The following ASAP1 variants were observed in gnomAD, a reference collection of about 807,000 sequenced individuals.
The protein encoded by ASAP1 is arf-GAP with SH3 domain, ANK repeat and PH domain-containing protein 1.
Under a neutral mutation model 145.2 loss-of-function variants are expected in ASAP1, and 43 were observed. The ratio of observed to expected loss-of-function variants is 0.30; its 90% CI spans 0.23 to 0.38. The LOEUF is 0.38. Ranked by LOEUF, ASAP1 falls within the 10% of genes least tolerant of loss-of-function variation. ASAP1 has a pLI of 1.00. For synonymous variants in ASAP1, 546 were observed against 515.5 expected (o/e 1.06, Z -0.80); for missense variants, 1,018 against 1,355.3 (o/e 0.75, Z 3.91).
chr8:130,438,993 A>T (rs1458402396), intron 1 of ASAP1, among the ~76,000 whole-genome samples: 1 of 152,218 alleles, frequency 6.6e-6, no homozygotes. Context: ...GCAATGGAAA[A>T]TGAAGGTTGC....
intron 21 of ASAP1, 48 bp downstream of exon 21, chr8:130,116,832 T>C: frequency 6.3e-7 from 1 of 1,575,806 alleles, no homozygotes; most frequent in Non-Finnish European, 8.7e-7. Context: ...CAATGTACCA[T>C]GCAACACACG....
intron 3 of ASAP1, chr8:130,340,948 T>G (rs887740375): frequency 4.9e-5 from 22 of 447,520 alleles, no homozygotes; most frequent in Non-Finnish European, 9.8e-5. Context: ...TACTAGGTTT[T>G]TTTTTGTTTT....
intron 27 of ASAP1, among the ~76,000 whole-genome samples, chr8:130,069,031 G>T (rs76443485): frequency 0.013 from 1,935 of 152,218 alleles, 43 homozygotes; most frequent in African/African-American, 0.044. Flanking sequence ...ACAGGGAAAG[G>T]CAAAAGTGAG....
chr8:130,085,254 G>T (rs2097490074), intron 25 of ASAP1, among the ~76,000 whole-genome samples: 1 of 152,162 alleles, frequency 6.6e-6, no homozygotes, highest in Non-Finnish European at 1.5e-5. Context: ...TTGCCTGTAA[G>T]AATCTTAGGG....
Position 130,358,257 on chromosome 8 carries a change from C to A in ASAP1, c.60-114G>T. On this transcript the variant is annotated intron_variant, in intron 2 of 29. Coordinates refer to ENST00000518721, the MANE Select transcript of ASAP1 (RefSeq NM_018482.4). This position sits in a 1 kb window ranked among gnomAD's most constrained non-coding sequence, Gnocchi z 4.1. ...CCCCGGCGCGCAGCCCGCCACCCGCCGCCCGGCCTGGCGCGCGGCTCCCGT... is the reference window on the plus strand; with the variant it reads ...CCCCGGCGCGCAGCCCGCCACCCGCAGCCCGGCCTGGCGCGCGGCTCCCGT... The A allele has an allele frequency of 1.2e-6, 1 of 804,176 alleles. No homozygotes were observed. Among genetic ancestry groups the A allele is most frequent in the Non-Finnish European group, 1.6e-6 (1 of 637,074 alleles). The allele number at this position is 804,176 out of a possible 1,614,324, so 49.8% of individuals were successfully genotyped here.
intron 7 of ASAP1, among the ~76,000 whole-genome samples, chr8:130,186,353 G>A (rs938589159): frequency 1.3e-4 from 19 of 152,000 alleles, no homozygotes; most frequent in Admixed American, 1.1e-3. Flanking sequence ...TCCTGAATTT[G>A]TTTTTCTTTT....
chr8:130,121,598 A>T (rs2097565982), intron 18 of ASAP1, among the ~76,000 whole-genome samples: 1 of 151,986 alleles, frequency 6.6e-6, no homozygotes, highest in Non-Finnish European at 1.5e-5. Context: ...CCTGATCAAC[A>T]TGGAGAAAAC....
At chr8:130,214,791 A>G in intron 4 of ASAP1, 90 bp from the exon 5 acceptor site, 1 of 1,105,552 alleles carries the variant, frequency 9.0e-7, no homozygotes. Flanking sequence ...CGAATTCTCA[A>G]AATGGAAGCA....
intron 2 of ASAP1, 131 bp downstream of exon 2, chr8:130,401,754 A>C (rs1565285441): frequency 1.3e-6 from 1 of 781,686 alleles, no homozygotes; most frequent in East Asian, 2.5e-5. Flanking sequence ...TCCAATAACA[A>C]TCGTGCACAC....
chr8:130,164,731 A>AAATGAGTTTAC (rs2097676511), intron 11 of ASAP1, among the ~76,000 whole-genome samples: 1 of 152,238 alleles, frequency 6.6e-6, no homozygotes, highest in South Asian at 2.1e-4. Flanking sequence ...AATAGAAAAA[A>AAATGAGTTTAC]AATGAGTTTA....
rs978097811 is a variant in ASAP1, at chr8:130,187,436, G to A, written c.481-151C>T. 4.0e-5 allele frequency: 22 copies of A among 555,636 alleles called. 2 individuals are homozygous for A. The highest frequency in any genetic ancestry group is 3.8e-4 in the Middle Eastern group (1 of 2,608). 34.4% of individuals were successfully genotyped at this position (555,636 alleles called of 1,614,324 possible). The stretch of plus-strand genomic sequence containing the variant: ...CGTTACACCATTTTTTTTTTTTTTT[G>A]ACAGGGTCTCACTCTGTTGCCTAGA... On this transcript the variant is annotated intron_variant, in intron 6 of 29. Transcript: ENST00000518721.
At chr8:130,349,295 C>T (rs1825863759) in intron 3 of ASAP1, among the ~76,000 whole-genome samples, 1 of 152,232 alleles carries the variant, frequency 6.6e-6, no homozygotes, top group African/African-American at 2.4e-5. Context: ...ACACATCTGA[C>T]TTCATTTCTC....
At chr8:130,122,189 A>C (rs934257327) in intron 18 of ASAP1, among the ~76,000 whole-genome samples, 1 of 152,150 alleles carries the variant, frequency 6.6e-6, no homozygotes, top group African/African-American at 2.4e-5. Flanking sequence ...TAATTTCTTC[A>C]TAACACCTAA....
At chr8:130,308,409 T>C (rs1823123108) in intron 3 of ASAP1, among the ~76,000 whole-genome samples, 1 of 152,276 alleles carries the variant, frequency 6.6e-6, no homozygotes, top group Non-Finnish European at 1.5e-5. Flanking sequence ...TTTTTTATTC[T>C]GTATGTATGT....
In ASAP1 at chr8:130,087,901, GA is replaced by G. The variant is rs537341854; in HGVS notation, c.2572+4071del. ...CAGCTCACATCTTCTCTGAAGACTAGAAAAAACAATGGCCAAGACAGGGGTT... is the reference window on the plus strand; with the variant it reads ...CAGCTCACATCTTCTCTGAAGACTAGAAAAACAATGGCCAAGACAGGGGTT... On this transcript the variant is annotated intron_variant, in intron 25 of 29. Coordinates refer to ENST00000518721, the MANE Select transcript of ASAP1 (RefSeq NM_018482.4). Among the ~76,000 whole-genome samples, 8 of 152,250 alleles carry G rather than the reference GA, an allele frequency of 5.3e-5. No homozygotes were observed. In the East Asian group the frequency reaches 1.2e-3, roughly 22 times the overall value.
chr8:130,394,315 C>A (rs189197275), intron 2 of ASAP1, among the ~76,000 whole-genome samples: 1 of 152,054 alleles, frequency 6.6e-6, no homozygotes, highest in Non-Finnish European at 1.5e-5. Context: ...TGAAATGGCC[C>A]CCTTGGGTGT....
intron 6 of ASAP1, 34 bp from the exon 7 acceptor site, chr8:130,187,319 C>A: frequency 6.5e-7 from 1 of 1,526,952 alleles, no homozygotes; most frequent in South Asian, 1.2e-5. Flanking sequence ...AAAATTGCAA[C>A]TACTTTTGCT....
chr8:130,294,960 G>C (rs1269986774), intron 3 of ASAP1, among the ~76,000 whole-genome samples: 2 of 152,148 alleles, frequency 1.3e-5, no homozygotes, highest in African/African-American at 4.8e-5. Flanking sequence ...TTAACAGCGA[G>C]AGGAATAATA....
At chr8:130,278,137 C>T (rs1290758249) in intron 3 of ASAP1, among the ~76,000 whole-genome samples, 2 of 151,646 alleles carry the variant, frequency 1.3e-5, no homozygotes, top group Non-Finnish European at 2.9e-5. Context: ...TCCCTCAAAC[C>T]ATGAGTTCTT....
Sources: gnomAD v4.1 joint callset for allele counts (sites outside exome capture counted in the v4.1 genomes callset) on GRCh38, gnomAD v4.1.1 for gene constraint, Gnocchi (gnomAD v3.1) non-coding constraint, MANE v1.5 for transcripts, NCBI Gene and HGNC (gene_info 2026-07-23, HGNC 2026-07-21) for gene names.